PTPRN2: variants seen among roughly 807,000 people sequenced by gnomAD.
PTPRN2 encodes protein tyrosine phosphatase receptor type N2, also known as receptor-type tyrosine-protein phosphatase N2.
A neutral mutation model predicts 118.8 loss-of-function variants in PTPRN2; 74 were observed. The ratio of observed to expected loss-of-function variants is 0.62; its 90% CI spans 0.52 to 0.76. PTPRN2 has a LOEUF of 0.76. Ranked by LOEUF, PTPRN2 falls within the 30% of genes least tolerant of loss-of-function variation. PTPRN2 has a pLI of 0.00. For synonymous variants in PTPRN2, 641 were observed against 608.0 expected, an observed-to-expected ratio of 1.05 and a Z score of -0.80; for missense variants, 1,481 against 1,394.4, an observed-to-expected ratio of 1.06 and a Z score of -0.99.
At chr7:157,981,249 A>C (rs765622412) in intron 11 of PTPRN2, among the ~76,000 whole-genome samples, 3 of 152,250 alleles carry the variant, frequency 2.0e-5, no homozygotes, top group Non-Finnish European at 4.4e-5. Context: ...AGAACCATTT[A>C]GACAATAATG....
intron 5 of PTPRN2, among the ~76,000 whole-genome samples, chr7:158,169,124 G>A (rs1163443888): frequency 6.6e-6 from 1 of 152,210 alleles, no homozygotes; most frequent in South Asian, 2.1e-4. Flanking sequence ...AGTAAGGTAA[G>A]GGGGTCCAGC....
At chr7:158,550,917 G>T (rs1348657870) in intron 1 of PTPRN2, among the ~76,000 whole-genome samples, 7 of 152,106 alleles carry the variant, frequency 4.6e-5, no homozygotes, top group African/African-American at 1.7e-4. Flanking sequence ...CCCCTCCACG[G>T]ACATCTGGCC....
intron 1 of PTPRN2, chr7:158,541,318 T>C: frequency 3.0e-6 from 2 of 677,930 alleles, no homozygotes; most frequent in South Asian, 1.8e-5. Flanking sequence ...TGTGGTGGCA[T>C]TTAGTGCACT....
At chr7:157,777,017 T>TTCCCTCTCCTCCTCC (rs1803370744) in intron 12 of PTPRN2, among the ~76,000 whole-genome samples, 2 of 105,798 alleles carry the variant, frequency 1.9e-5, no homozygotes, top group African/African-American at 7.2e-5. Flanking sequence ...TCTCCTCCTC[T>TTCCCTCTCCTCCTCC]TCCCTCTCCT....
intron 2 of PTPRN2, among the ~76,000 whole-genome samples, chr7:158,327,576 G>T (rs189782879): frequency 6.6e-6 from 1 of 152,196 alleles, no homozygotes; most frequent in African/African-American, 2.4e-5. Context: ...ACATGTACAT[G>T]TTCTCATGTA....
At chr7:157,744,954 C>T (rs573708887) in intron 12 of PTPRN2, among the ~76,000 whole-genome samples, 41 of 152,314 alleles carry the variant, frequency 2.7e-4, no homozygotes, top group Non-Finnish European at 5.0e-4. Context: ...ACCTCACTCC[C>T]CACCACCCCT....
At position 158,016,347 on chromosome 7, in the gene PTPRN2, C is replaced by T. The variant is rs997747930; in HGVS notation, c.1723+64951G>A. On this transcript the variant is annotated intron_variant, in intron 11 of 22. Coordinates refer to ENST00000389418, the MANE Select transcript of PTPRN2 (RefSeq NM_002847.5). ...TGCCCCGCCGGGCCCACAGCACAGACGCGCCTGGCTGAAGGGCGAGGGGGA... is the reference window on the plus strand; with the variant it reads ...TGCCCCGCCGGGCCCACAGCACAGATGCGCCTGGCTGAAGGGCGAGGGGGA... Among the ~76,000 whole-genome samples the T allele has an allele frequency of 4.6e-5, 7 of 152,300 alleles. No homozygotes were observed. In the East Asian group the frequency reaches 9.7e-4, roughly 21 times the overall value.
chr7:157,626,218 T>C lies in PTPRN2; in HGVS notation c.2197-4709A>G, dbSNP rs116277375. 2.3e-3 allele frequency among the ~76,000 whole-genome samples: 350 copies of C among 152,294 alleles called. 3 individuals carry two copies. Among genetic ancestry groups the C allele is most frequent in the African/African-American group, 8.1e-3 (338 of 41,558 alleles). ...CTGATCTTCTTACCATCGCTTCCCC[T>C]TTCCAGTTGCTTTTTCACTGAACGA... is the stretch of plus-strand genomic sequence containing the variant. On this transcript the variant is annotated intron_variant, in intron 14 of 22. Coordinates refer to ENST00000389418, the MANE Select transcript of PTPRN2 (RefSeq NM_002847.5).
chr7:158,399,442 A>G (rs979834218), intron 2 of PTPRN2, among the ~76,000 whole-genome samples: 5 of 152,312 alleles, frequency 3.3e-5, no homozygotes, highest in South Asian at 2.1e-4. Context: ...ACTTGAGTCC[A>G]AGAGTTTGAG....
chr7:157,649,737 G>A (rs1805498793), intron 14 of PTPRN2, among the ~76,000 whole-genome samples: 1 of 150,090 alleles, frequency 6.7e-6, no homozygotes, highest in East Asian at 2.0e-4. Flanking sequence ...CATTCACTGT[G>A]CACTGAACTC....
At chr7:158,177,883 G>A (rs947722341) in intron 5 of PTPRN2, among the ~76,000 whole-genome samples, 3 of 152,202 alleles carry the variant, frequency 2.0e-5, no homozygotes, top group Non-Finnish European at 2.9e-5. Flanking sequence ...TTGAGTAGAA[G>A]TGGGATGGAG....
intron 12 of PTPRN2, among the ~76,000 whole-genome samples, chr7:157,719,561 C>T (rs1011985390): frequency 3.3e-5 from 5 of 152,260 alleles, no homozygotes; most frequent in South Asian, 2.1e-4. Context: ...TTCTTGGCAT[C>T]CGGGAGCTCC....
intron 21 of PTPRN2, among the ~76,000 whole-genome samples, chr7:157,556,416 C>T (rs1316222204): frequency 1.6e-4 from 24 of 145,574 alleles, no homozygotes; most frequent in Admixed American, 4.8e-4. Flanking sequence ...ATCATACATA[C>T]GCACATGCAC....
At chr7:158,572,264 T>C (rs938898743) in intron 1 of PTPRN2, among the ~76,000 whole-genome samples, 1 of 152,248 alleles carries the variant, frequency 6.6e-6, no homozygotes. Flanking sequence ...TAGAGGAACC[T>C]GAAAAGGATA....
intron 12 of PTPRN2, among the ~76,000 whole-genome samples, chr7:157,722,523 A>C (rs1252928648): frequency 6.6e-6 from 1 of 152,200 alleles, no homozygotes; most frequent in African/African-American, 2.4e-5. Flanking sequence ...ATGAAGCTGG[A>C]GTGGCAGCTT....
intron 1 of PTPRN2, among the ~76,000 whole-genome samples, chr7:158,494,653 G>A (rs1327149085): frequency 1.3e-5 from 2 of 152,158 alleles, no homozygotes; most frequent in African/African-American, 2.4e-5. Flanking sequence ...AATGACCAAG[G>A]CCCTGGGATC....
chr7:157,844,662 A>G (rs759562649), intron 12 of PTPRN2, among the ~76,000 whole-genome samples: 5 of 152,162 alleles, frequency 3.3e-5, no homozygotes, highest in African/African-American at 7.2e-5. Flanking sequence ...TGAAGAAAGC[A>G]TTATTACTCC....
At chr7:158,116,516 G>C (rs1278719591) in intron 9 of PTPRN2, among the ~76,000 whole-genome samples, 1 of 152,244 alleles carries the variant, frequency 6.6e-6, no homozygotes, top group Non-Finnish European at 1.5e-5. Context: ...ACATGTTCCT[G>C]GAGCAGCCTG....
At chr7:158,213,879 A>T (rs562332482) in intron 3 of PTPRN2, among the ~76,000 whole-genome samples, 3 of 152,272 alleles carry the variant, frequency 2.0e-5, no homozygotes, top group Admixed American at 6.5e-5. Context: ...TAAAATTTAA[A>T]TAACTAAAAT....
Sources: allele counts gnomAD v4.1 joint callset (sites outside exome capture counted in the v4.1 genomes callset), GRCh38; gene constraint gnomAD v4.1.1; transcripts MANE v1.5; gene names NCBI Gene and HGNC (gene_info 2026-07-23, HGNC 2026-07-21).